Variants in CCDC51 observed in about 807,000 individuals in gnomAD.
The protein encoded by CCDC51 is mitochondrial potassium channel.
CCDC51 carries 25 observed loss-of-function variants against 24.8 expected under a neutral mutation model. The ratio of observed to expected loss-of-function variants is 1.01; its 90% CI spans 0.73 to 1.41. CCDC51 has a LOEUF of 1.41. Among genes scored for constraint, CCDC51 ranks in the 40% most tolerant of loss-of-function variants. CCDC51 has a pLI of 0.00. For missense variants in CCDC51, 466 were observed against 519.1 expected, an observed-to-expected ratio of 0.90 and a Z score of 0.99; for synonymous variants, 190 against 204.3, an observed-to-expected ratio of 0.93 and a Z score of 0.60.
Position 48,440,098 on chromosome 3 carries a change from G to T in CCDC51, c.-119C>A. 1 of 842,412 alleles carries T rather than the reference G, an allele frequency of 1.2e-6. No individual in the cohort carries two copies. The highest frequency in any genetic ancestry group is 1.8e-6 in the Non-Finnish European group (1 of 560,082). The allele number at this position is 842,412 out of a possible 1,614,324, so 52.2% of individuals were successfully genotyped here. On this transcript the variant is annotated 5_prime_UTR_variant, in exon 1 of 4. Coordinates refer to ENST00000395694, the MANE Select transcript of CCDC51 (RefSeq NM_001256964.2). The stretch of plus-strand genomic sequence containing the variant: ...AGGACAACCCTAGCTCCTCGTACCT[G>T]GCGTGGCCCGACCAATCGTCTGCCA...
chr3:48,439,665 A>G (rs1400850793), intron 1 of CCDC51, among the ~76,000 whole-genome samples: 1 of 152,216 alleles, frequency 6.6e-6, no homozygotes, highest in Non-Finnish European at 1.5e-5. Context: ...TTATTGATAT[A>G]TAACTTGCAT....
Position 48,433,701 on chromosome 3 carries a change from G to A in CCDC51, c.477+6C>T. 6.2e-7 allele frequency: 1 copy of A among 1,612,062 alleles called. No homozygotes were observed. Among genetic ancestry groups the A allele is most frequent in the Non-Finnish European group, 8.5e-7 (1 of 1,178,780 alleles). On this transcript the variant is annotated splice_donor_region_variant and intron_variant, in intron 3 of 3. Coordinates refer to ENST00000395694, the MANE Select transcript of CCDC51 (RefSeq NM_001256964.2). This position sits in a 1 kb window ranked among gnomAD's most constrained non-coding sequence, Gnocchi z 4.4. Reference sequence around the variant, plus strand: ...GTGCGAAAGGGCTGCCTCCTGAGGTGCCTACCTGCAGCATCCTGTGCTCGA... The same window carrying A: ...GTGCGAAAGGGCTGCCTCCTGAGGTACCTACCTGCAGCATCCTGTGCTCGA...
chr3:48,434,831 C>T lies in CCDC51; in HGVS notation c.298G>A (p.Gly100Arg). 1 of 1,602,328 alleles carries T rather than the reference C, an allele frequency of 6.2e-7. No homozygotes were observed. Among genetic ancestry groups the T allele is most frequent in the South Asian group, 1.1e-5 (1 of 89,290 alleles). ...VGLNEVREAQGKVTEAEKVFM... is the reference protein window; with the variant it reads ...VGLNEVREAQRKVTEAEKVFM... Reference sequence around the variant, plus strand: ...CCCCTCCTCACCTCTGTCACCTTTCCCTGGGCCTCTCGAACCTCGTTGAGT... The same window carrying T: ...CCCCTCCTCACCTCTGTCACCTTTCTCTGGGCCTCTCGAACCTCGTTGAGT... Residue 100 changes from glycine (G) to arginine (R), a missense_variant, in exon 2 of 4, where the codon GGA becomes AGA. Transcript: ENST00000395694.
upstream of CCDC51, among the ~76,000 whole-genome samples, chr3:48,443,453 C>T (rs1400381829): frequency 1.3e-5 from 2 of 150,642 alleles, no homozygotes; most frequent in Non-Finnish European, 3.0e-5. Context: ...AGAATTGCTT[C>T]AACCTGGGAG....
upstream of CCDC51, chr3:48,440,449 G>A (rs1249244421): frequency 1.2e-6 from 2 of 1,612,436 alleles, no homozygotes; most frequent in Admixed American, 3.3e-5. Context: ...AGGCCAAGGA[G>A]ATGGACGAGG....
rs2039330066 is a variant in CCDC51 at position 48,435,705 on chromosome 3, C to T, written c.-8-569G>A. Among the ~76,000 whole-genome samples, 1 of 152,142 alleles carries T rather than the reference C, an allele frequency of 6.6e-6. No homozygotes were observed. The highest frequency in any genetic ancestry group is 1.5e-5 in the Non-Finnish European group (1 of 68,026). On this transcript the variant is annotated intron_variant, in intron 1 of 3. Transcript: ENST00000395694. This position sits in a 1 kb window ranked among gnomAD's most constrained non-coding sequence, Gnocchi z 4.2. Reference sequence around the variant, plus strand: ...CAGAGTTTCAATTCTGTGCAAGGACCTAAGGACACAGGCCATTTGTGACCC... The same window carrying T: ...CAGAGTTTCAATTCTGTGCAAGGACTTAAGGACACAGGCCATTTGTGACCC...
chr3:48,432,836 T>G lies in CCDC51; in HGVS notation c.808A>C (p.Arg270=). Residue 270 remains arginine (R), a synonymous_variant, in exon 4 of 4, where the codon AGG becomes CGG. Coordinates refer to ENST00000395694, the MANE Select transcript of CCDC51 (RefSeq NM_001256964.2). The stretch of plus-strand genomic sequence containing the variant: ...GGCCCAGCAGCATGTACCAGGCCCC[T>G]CAGGTCCACCATGAGATTGTGGAGG... ...RDLHNLMVDL[R]GLVHAAGPGQ... The G allele has an allele frequency of 6.2e-7, 1 of 1,613,706 alleles. No individual in the cohort carries two copies. Among genetic ancestry groups the G allele is most frequent in the Non-Finnish European group, 8.5e-7 (1 of 1,179,718 alleles).
rs1237795932 is a variant in CCDC51 at position 48,432,330 on chromosome 3, C to T, written c.*78G>A. 30 of 1,549,036 alleles carry T rather than the reference C, an allele frequency of 1.9e-5. No homozygotes were observed. The highest frequency in any genetic ancestry group is 2.4e-5 in the Non-Finnish European group (27 of 1,138,184). ...GAGGTTGTACATGCCCCCAAAGGCTCGCTTCATTGCTACGATTCTCTACTT... is the reference window on the plus strand; with the variant it reads ...GAGGTTGTACATGCCCCCAAAGGCTTGCTTCATTGCTACGATTCTCTACTT... On this transcript the variant is annotated 3_prime_UTR_variant, in exon 4 of 4. Coordinates refer to ENST00000395694, the MANE Select transcript of CCDC51 (RefSeq NM_001256964.2).
rs760498722 is a variant in CCDC51 at position 48,434,909 on chromosome 3, G to C, written c.220C>G (p.Arg74Gly). 4 of 1,614,100 alleles carry C rather than the reference G, an allele frequency of 2.5e-6. No individual in the cohort carries two copies. The African/African-American group carries it at 4.0e-5, about 16-fold the overall frequency. Residue 74 changes from arginine to glycine, a missense_variant, in exon 2 of 4, where the codon CGA (arginine) becomes GGA (glycine). Arg to Gly is a moderately radical substitution (Grantham distance 125). Transcript: ENST00000395694. Reference sequence around the variant, plus strand: ...CAAGTCTTGGCTGTGGAGGTCGCTCGTTGCTGAATGCTGTGCCCCAGGGCT... The same window carrying C: ...CAAGTCTTGGCTGTGGAGGTCGCTCCTTGCTGAATGCTGTGCCCCAGGGCT... The part of the protein sequence containing the change: ...GRALGHSIQQ[R>G]ATSTAKTWWD...
chr3:48,442,677 C>G (rs2039597684), upstream of CCDC51, among the ~76,000 whole-genome samples: 1 of 151,966 alleles, frequency 6.6e-6, no homozygotes, highest in South Asian at 2.1e-4. Flanking sequence ...GTCTCGATCT[C>G]CTGACCTCGT....
At chr3:48,440,299 G>A, upstream of CCDC51, 3 of 1,606,946 alleles carry the variant, frequency 1.9e-6, no homozygotes, top group Non-Finnish European at 2.5e-6. Flanking sequence ...CAGGCGCCAT[G>A]TCCGGCCGCG....
At chr3:48,441,736 T>C (rs567177937), upstream of CCDC51, among the ~76,000 whole-genome samples, 6 of 152,354 alleles carry the variant, frequency 3.9e-5, no homozygotes, top group East Asian at 7.7e-4. Flanking sequence ...TAAGCATTAT[T>C]TTACATTGAT....
chr3:48,432,426 C>T lies in CCDC51; in HGVS notation c.1218G>A (p.Met406Ile). The change falls in exon 4 of 4, where the codon ATG becomes ATA. Residue 406 changes from methionine to isoleucine, a missense_variant. Coordinates refer to ENST00000395694, the MANE Select transcript of CCDC51 (RefSeq NM_001256964.2). ...TFVATLPVLY[M>I]LFKAS ...CCAGGGGTTAGCTGGCTTTGAATAG[C>T]ATGTAGAGCACAGGCAGTGTGGCCA... 6.2e-7 allele frequency: 1 copy of T among 1,614,108 alleles called. No homozygotes were observed. The highest frequency in any genetic ancestry group is 2.2e-5 in the East Asian group (1 of 44,898).
At chr3:48,436,646 T>C (rs2039364664) in intron 1 of CCDC51, among the ~76,000 whole-genome samples, 1 of 152,186 alleles carries the variant, frequency 6.6e-6, no homozygotes, top group Non-Finnish European at 1.5e-5. Context: ...CCCCTGCAGG[T>C]GTATCCTTCA....
At chr3:48,444,649 T>TC (rs1415821452), upstream of CCDC51, among the ~76,000 whole-genome samples, 1 of 152,244 alleles carries the variant, frequency 6.6e-6, no homozygotes, top group Non-Finnish European at 1.5e-5. Flanking sequence ...TGAGACTTGT[T>TC]CATCTGTTCA....
At position 48,432,237 on chromosome 3, in the gene CCDC51, A is replaced by G; in HGVS notation, c.*171T>C. 1.5e-6 allele frequency: 1 copy of G among 656,546 alleles called. No individual in the cohort carries two copies. 40.7% of individuals were successfully genotyped at this position (656,546 alleles called of 1,614,324 possible). A position where few individuals can be genotyped will look rare whatever the true frequency, so the allele number is the denominator to read the frequency against. ...AGCACAAAGTTTTGATAATTAATGTAAATGAACCTTGTCTACAAAGCGAAG... is the reference window on the plus strand; with the variant it reads ...AGCACAAAGTTTTGATAATTAATGTGAATGAACCTTGTCTACAAAGCGAAG... On this transcript the variant is annotated 3_prime_UTR_variant, in exon 4 of 4. Coordinates refer to ENST00000395694, the MANE Select transcript of CCDC51 (RefSeq NM_001256964.2).
At position 48,440,108 on chromosome 3, in the gene CCDC51, G is replaced by C; in HGVS notation, c.-129C>G. 8 of 952,628 alleles carry C rather than the reference G, an allele frequency of 8.4e-6. No homozygotes were observed. The highest frequency in any genetic ancestry group is 1.2e-5 in the Non-Finnish European group (8 of 660,384). The allele number at this position is 952,628 out of a possible 1,614,324, so 59.0% of individuals were successfully genotyped here. A position where few individuals can be genotyped will look rare whatever the true frequency, so the allele number is the denominator to read the frequency against. ...TAGCTCCTCGTACCTGGCGTGGCCC[G>C]ACCAATCGTCTGCCACTCAGTTGAC... On this transcript the variant is annotated 5_prime_UTR_variant, in exon 1 of 4. Coordinates refer to ENST00000395694, the MANE Select transcript of CCDC51 (RefSeq NM_001256964.2).
chr3:48,434,686 C>T lies in CCDC51; in HGVS notation c.312+131G>A. 4.9e-6 allele frequency: 4 copies of T among 814,606 alleles called. No individual in the cohort carries two copies. The South Asian group carries it at 7.1e-5, about 15-fold the overall frequency. The allele number at this position is 814,606 out of a possible 1,614,324, so 50.5% of individuals were successfully genotyped here. ...ATGGAGACCTTCACCCCAGAAGCAT[C>T]AAGCCCAGGTTTCCACGTGAGAAAT... On this transcript the variant is annotated intron_variant, in intron 2 of 3. Transcript: ENST00000395694.
At chr3:48,446,285 A>G in the CCDC51 span, 4 of 152,200 alleles carry the variant, frequency 2.6e-5, no homozygotes, top group Non-Finnish European at 5.9e-5. Flanking sequence ...TGAAACATTC[A>G]CTAAACCCGA....
Sources: allele counts gnomAD v4.1 joint callset (sites outside exome capture counted in the v4.1 genomes callset), GRCh38; gene constraint gnomAD v4.1.1; non-coding constraint Gnocchi (gnomAD v3.1); transcripts MANE v1.5; gene names NCBI Gene and HGNC (gene_info 2026-07-23, HGNC 2026-07-21).